The following MYO1D variants were observed in gnomAD, a reference collection of about 807,000 sequenced individuals.
MYO1D encodes the protein myosin ID, also known as unconventional myosin-Id.
MYO1D carries 83 observed loss-of-function variants against 122.0 expected under a neutral mutation model. The ratio of observed to expected loss-of-function variants is 0.68; its 90% confidence interval spans 0.57 to 0.82. MYO1D has a LOEUF of 0.82. MYO1D is among the 40% of genes least tolerant of loss of function. The pLI is 0.00. For missense variants in MYO1D, 1,157 were observed against 1,269.5 expected (o/e 0.91, Z 1.35); for synonymous variants, 464 against 446.9 (o/e 1.04, Z -0.48).
intron 20 of MYO1D, among the ~76,000 whole-genome samples, chr17:32,627,414 G>C (rs1011588565): frequency 6.6e-6 from 1 of 152,110 alleles, no homozygotes; most frequent in East Asian, 1.9e-4. Context: ...GGCACAGACC[G>C]GCGGGCGGAT....
At chr17:32,630,372 A>G (rs1351022797) in intron 20 of MYO1D, among the ~76,000 whole-genome samples, 2 of 152,164 alleles carry the variant, frequency 1.3e-5, no homozygotes, top group African/African-American at 4.8e-5. Context: ...CTAACACAGG[A>G]TTATGTGATG....
chr17:32,837,195 G>A (rs141716158), intron 1 of MYO1D, among the ~76,000 whole-genome samples: 1 of 149,442 alleles, frequency 6.7e-6, no homozygotes, highest in Admixed American at 6.6e-5. Flanking sequence ...ATGATGTTGT[G>A]GACTTTTTAA....
intron 1 of MYO1D, among the ~76,000 whole-genome samples, chr17:32,819,561 T>C (rs1331655071): frequency 6.6e-6 from 1 of 152,224 alleles, no homozygotes; most frequent in Non-Finnish European, 1.5e-5. Context: ...TATGAACTTT[T>C]CTGCAGGGAA....
At position 32,779,396 on chromosome 17, in the gene MYO1D, G is replaced by C. The variant is rs1598092348; in HGVS notation, c.305-823C>G. Among the ~76,000 whole-genome samples, 4 of 151,404 alleles carry C rather than the reference G, an allele frequency of 2.6e-5. No individual in the cohort carries two copies. In the East Asian group the frequency reaches 5.8e-4, roughly 22 times the overall value. On this transcript the variant is annotated intron_variant, in intron 2 of 21. Coordinates refer to ENST00000318217, the MANE Select transcript of MYO1D (RefSeq NM_015194.3). ...TACAATTATTAAAAAGAATGCACTA[G>C]CTCTATAGAAACACCAATGAAAAGA... is the stretch of plus-strand genomic sequence containing the variant.
chr17:32,848,682 C>G (rs1038166215), intron 1 of MYO1D, among the ~76,000 whole-genome samples: 1 of 152,172 alleles, frequency 6.6e-6, no homozygotes, highest in African/African-American at 2.4e-5. Flanking sequence ...TGGAAATACT[C>G]TTGTTTCTGT....
At chr17:32,799,880 T>C (rs1269509679) in intron 1 of MYO1D, among the ~76,000 whole-genome samples, 1 of 152,130 alleles carries the variant, frequency 6.6e-6, no homozygotes. Flanking sequence ...TATTTAAAAA[T>C]GGGCAAAGGA....
intron 14 of MYO1D, among the ~76,000 whole-genome samples, chr17:32,732,687 C>T (rs1225772107): frequency 6.6e-6 from 1 of 152,228 alleles, no homozygotes; most frequent in Non-Finnish European, 1.5e-5. Flanking sequence ...ATACCTCATT[C>T]TTCCTGGACA....
chr17:32,824,257 C>T (rs1290378359), intron 1 of MYO1D, among the ~76,000 whole-genome samples: 2 of 151,932 alleles, frequency 1.3e-5, no homozygotes, highest in Non-Finnish European at 2.9e-5. Context: ...ACAAAACAAC[C>T]CTGAAAGTTG....
intron 21 of MYO1D, chr17:32,518,196 T>C (rs1909966910): frequency 5.0e-6 from 1 of 199,794 alleles, no homozygotes; most frequent in Admixed American, 5.8e-5. Context: ...TTCTCATTTC[T>C]TTCGTCAACA....
Position 32,745,455 on chromosome 17 carries a change from A to G in MYO1D, c.1539-170T>C, listed in dbSNP as rs186734689. The G allele has an allele frequency of 2.6e-5, 14 of 528,452 alleles. No homozygotes were observed. In the East Asian group the frequency reaches 4.2e-4, roughly 16 times the overall value. 32.7% of individuals were successfully genotyped at this position (528,452 alleles called of 1,614,324 possible). A position where few individuals can be genotyped will look rare whatever the true frequency, so the allele number is the denominator to read the frequency against. On this transcript the variant is annotated intron_variant, in intron 12 of 21. Transcript: ENST00000318217. ...AAAGGATACCAAATTTACCTACTAAATAGAAGGGAATTTTCATCAGTACTA... is the reference window on the plus strand; with the variant it reads ...AAAGGATACCAAATTTACCTACTAAGTAGAAGGGAATTTTCATCAGTACTA...
In MYO1D at chr17:32,663,447, G is replaced by T. The variant is rs760842531; in HGVS notation, c.2122-4109C>A. On this transcript the variant is annotated intron_variant, in intron 16 of 21. Coordinates refer to ENST00000318217, the MANE Select transcript of MYO1D (RefSeq NM_015194.3). Reference sequence around the variant, plus strand: ...GTTGCCTAAGAGGAGAGGAGAGCATGCAGGGGCTTTAAGTAACTGCTTTAC... The same window carrying T: ...GTTGCCTAAGAGGAGAGGAGAGCATTCAGGGGCTTTAAGTAACTGCTTTAC... Among the ~76,000 whole-genome samples the T allele has an allele frequency of 3.9e-4, 60 of 152,292 alleles. 1 individual carries two copies. Among genetic ancestry groups the T allele is most frequent in the South Asian group, 2.1e-4 (1 of 4,820 alleles).
At chr17:32,577,200 G>A (rs935528944) in intron 21 of MYO1D, among the ~76,000 whole-genome samples, 7 of 151,002 alleles carry the variant, frequency 4.6e-5, no homozygotes, top group African/African-American at 1.2e-4. Context: ...GCAGTGAGCC[G>A]ACATCGCACC....
chr17:32,601,090 G>C (rs981781638), intron 21 of MYO1D, among the ~76,000 whole-genome samples: 3 of 151,776 alleles, frequency 2.0e-5, no homozygotes, highest in African/African-American at 7.3e-5. Flanking sequence ...GCACCACCAT[G>C]CTTGACTAAC....
Position 32,772,797 on chromosome 17 carries a change from A to G in MYO1D, c.610T>C (p.Phe204Leu). ...QQPGERSFHS[F>L]YQLLQGGSEQ... ...TATAATGGATTACTAACCTGATAGAAAGAATGAAAGCTTCTTTCTCCTGGC... is the reference window on the plus strand; with the variant it reads ...TATAATGGATTACTAACCTGATAGAGAGAATGAAAGCTTCTTTCTCCTGGC... The change falls in exon 5 of 22, where the codon TTC (phenylalanine) becomes CTC (leucine). Residue 204 changes from phenylalanine (F) to leucine (L), a missense_variant. Physicochemically the swap from Phe to Leu is conservative, Grantham distance 22 (BLOSUM62 0). Coordinates refer to ENST00000318217, the MANE Select transcript of MYO1D (RefSeq NM_015194.3). 1 of 1,611,822 alleles carries G rather than the reference A, an allele frequency of 6.2e-7. No individual in the cohort carries two copies. The highest frequency in any genetic ancestry group is 8.5e-7 in the Non-Finnish European group (1 of 1,177,856).
chr17:32,677,585 ATATAT>A (rs2088836628), intron 16 of MYO1D, among the ~76,000 whole-genome samples: 239 of 8,628 alleles, frequency 0.028, no homozygotes, highest in Non-Finnish European at 0.039. Context: ...AGATAAATAT[ATATAT>A]ATATATATAT....
intron 21 of MYO1D, among the ~76,000 whole-genome samples, chr17:32,571,522 CT>C (rs2087227884): frequency 6.6e-6 from 1 of 152,152 alleles, no homozygotes. Context: ...ATTCCTTGTT[CT>C]CCAGAAGGTA....
intron 16 of MYO1D, among the ~76,000 whole-genome samples, chr17:32,682,277 C>T (rs554095432): frequency 6.7e-6 from 1 of 149,954 alleles, no homozygotes; most frequent in African/African-American, 2.5e-5. Context: ...GTTATGTGTG[C>T]ATTTGATCCT....
intron 17 of MYO1D, among the ~76,000 whole-genome samples, chr17:32,657,740 A>G (rs897499934): frequency 7.9e-5 from 12 of 152,374 alleles, no homozygotes; most frequent in Admixed American, 5.9e-4. Context: ...CACAGCAGAC[A>G]TTCAGTAAGT....
intron 1 of MYO1D, among the ~76,000 whole-genome samples, chr17:32,866,302 C>T (rs2091124352): frequency 6.6e-6 from 1 of 152,172 alleles, no homozygotes; most frequent in Non-Finnish European, 1.5e-5. Flanking sequence ...AAAATTCTCT[C>T]TCTCTTCTAG....
Sources: gnomAD v4.1 joint callset for allele counts (sites outside exome capture counted in the v4.1 genomes callset) on GRCh38, gnomAD v4.1.1 for gene constraint, MANE v1.5 for transcripts, NCBI Gene and HGNC (gene_info 2026-07-23, HGNC 2026-07-21) for gene names.